COL25A1: variants seen among roughly 807,000 people sequenced by gnomAD.
The protein encoded by COL25A1 is collagen type XXV alpha 1 chain.
Under a neutral mutation model 128.4 loss-of-function variants are expected in COL25A1, and 103 were observed. The ratio of observed to expected loss-of-function variants is 0.80; its 90% CI spans 0.68 to 0.94. The LOEUF (loss-of-function observed/expected upper bound fraction) is 0.94. Ranked by LOEUF, COL25A1 falls within the 40% of genes least tolerant of loss-of-function variation. The pLI is 0.00. For missense variants in COL25A1, 745 were observed against 840.0 expected (o/e 0.89, Z 1.40); for synonymous variants, 279 against 277.2 (o/e 1.01, Z -0.06).
intron 3 of COL25A1, among the ~76,000 whole-genome samples, chr4:109,107,233 TC>T (rs1392403838): frequency 1.3e-5 from 2 of 152,086 alleles, no homozygotes; most frequent in African/African-American, 4.8e-5. Context: ...TTTTACCCTG[TC>T]TCCACAAAAT....
intron 6 of COL25A1, among the ~76,000 whole-genome samples, chr4:108,981,346 C>A (rs970879622): frequency 1.6e-4 from 25 of 152,170 alleles, no homozygotes; most frequent in African/African-American, 5.8e-4. Flanking sequence ...AGAGACATTT[C>A]TTCTTCAAAC....
intron 3 of COL25A1, among the ~76,000 whole-genome samples, chr4:109,110,127 A>C (rs1232706036): frequency 6.6e-6 from 1 of 152,080 alleles, no homozygotes; most frequent in Non-Finnish European, 1.5e-5. Context: ...CTAGTACAGG[A>C]GGGATGTTCA....
intron 3 of COL25A1, among the ~76,000 whole-genome samples, chr4:109,262,677 A>G (rs1781532840): frequency 2.0e-5 from 3 of 152,336 alleles, no homozygotes; most frequent in Admixed American, 2.0e-4. Context: ...TGCAAAATGC[A>G]TACTTATTTC....
At chr4:109,272,489 G>C (rs1387735527) in intron 3 of COL25A1, among the ~76,000 whole-genome samples, 1 of 152,110 alleles carries the variant, frequency 6.6e-6, no homozygotes, top group Non-Finnish European at 1.5e-5. Context: ...AATTATGAGA[G>C]TATTAGCTAA....
At chr4:109,231,845 G>GT (rs778529554) in intron 3 of COL25A1, among the ~76,000 whole-genome samples, 1 of 152,114 alleles carries the variant, frequency 6.6e-6, no homozygotes, top group Admixed American at 6.5e-5. Context: ...TGCTGAATTT[G>GT]TTTTTTTATG....
intron 3 of COL25A1, among the ~76,000 whole-genome samples, chr4:109,216,197 G>A (rs1279257386): frequency 6.6e-6 from 1 of 151,912 alleles, no homozygotes; most frequent in Non-Finnish European, 1.5e-5. Flanking sequence ...TGTTCCTACT[G>A]CCTAGGAAAA....
intron 3 of COL25A1, among the ~76,000 whole-genome samples, chr4:109,299,821 G>A (rs1034104525): frequency 1.3e-5 from 2 of 152,014 alleles, no homozygotes; most frequent in African/African-American, 4.8e-5. Context: ...CTTCTAAATT[G>A]TTAGGTCTAA....
At chr4:108,881,811 G>A (rs1024099371) in intron 19 of COL25A1, among the ~76,000 whole-genome samples, 3 of 152,060 alleles carry the variant, frequency 2.0e-5, no homozygotes, top group African/African-American at 7.2e-5. Flanking sequence ...TACATTATAA[G>A]GAAAGTGTAT....
Position 108,884,178 on chromosome 4 carries a change from C to G in COL25A1, c.1020G>C (p.Lys340Asn), listed in dbSNP as rs1740478607. ...LPGLPGLPGI[K>N]GEPGFIGPQG... Reference sequence around the variant, plus strand: ...CCGAGACTGTCCGTGCAGTATTTACCTTTATCCCCGGAAGTCCAGGAAGCC... The same window carrying G: ...CCGAGACTGTCCGTGCAGTATTTACGTTTATCCCCGGAAGTCCAGGAAGCC... The change falls in exon 19 of 38, where the codon AAG becomes AAC. Residue 340 changes from lysine (K) to asparagine (N), a missense_variant and splice_region_variant. By Grantham distance (94) the Lys-to-Asn change is moderately conservative (BLOSUM62 0). Transcript: ENST00000399132. 6.2e-7 allele frequency: 1 copy of G among 1,613,484 alleles called. No homozygotes were observed. Among genetic ancestry groups the G allele is most frequent in the Admixed American group, 1.7e-5 (1 of 59,964 alleles).
chr4:109,263,340 G>T (rs1781573230), intron 3 of COL25A1, among the ~76,000 whole-genome samples: 1 of 151,852 alleles, frequency 6.6e-6, no homozygotes, highest in Non-Finnish European at 1.5e-5. Flanking sequence ...AATGACAAAG[G>T]GTGGCATACT....
At chr4:109,122,507 G>T (rs1488378573) in intron 3 of COL25A1, among the ~76,000 whole-genome samples, 1 of 152,014 alleles carries the variant, frequency 6.6e-6, no homozygotes, top group East Asian at 1.9e-4. Flanking sequence ...CATAAATTTG[G>T]CAGCAAAAGT....
At chr4:108,999,471 T>C (rs1192109405) in intron 6 of COL25A1, among the ~76,000 whole-genome samples, 1 of 152,162 alleles carries the variant, frequency 6.6e-6, no homozygotes, top group Non-Finnish European at 1.5e-5. Context: ...AAACAACAGA[T>C]TCTGGAGAGG....
intron 5 of COL25A1, among the ~76,000 whole-genome samples, chr4:109,032,426 CAAAT>C (rs1486704061): frequency 6.6e-6 from 1 of 152,186 alleles, no homozygotes; most frequent in Non-Finnish European, 1.5e-5. Context: ...CTTATGGTCA[CAAAT>C]AACACAAAGA....
chr4:109,158,996 C>T (rs896195823), intron 3 of COL25A1, among the ~76,000 whole-genome samples: 14 of 151,886 alleles, frequency 9.2e-5, no homozygotes, highest in African/African-American at 2.4e-4. Context: ...TATGTATTTA[C>T]GTAGTATGTA....
At chr4:108,998,729 A>G (rs1365343633) in intron 6 of COL25A1, among the ~76,000 whole-genome samples, 10 of 152,248 alleles carry the variant, frequency 6.6e-5, no homozygotes, top group Admixed American at 3.9e-4. Context: ...ACAAGGCTAC[A>G]GTAACCAAAA....
Position 109,016,277 on chromosome 4 carries a change from G to A in COL25A1, c.421-5902C>T, listed in dbSNP as rs116746413. Among the ~76,000 whole-genome samples the A allele has an allele frequency of 1.9e-3, 293 of 152,332 alleles. 1 individual carries two copies. The highest frequency in any genetic ancestry group is 6.8e-3 in the Middle Eastern group (2 of 294). ...GGTAGTGCTGATACAGCAGCCCCCC[G>A]CTGCCTCAGCCCCCTCCAGACTTTA... On this transcript the variant is annotated intron_variant, in intron 5 of 37. Coordinates refer to ENST00000399132, the MANE Select transcript of COL25A1 (RefSeq NM_198721.4).
At chr4:109,244,970 T>A (rs1299649969) in intron 3 of COL25A1, among the ~76,000 whole-genome samples, 2 of 152,174 alleles carry the variant, frequency 1.3e-5, no homozygotes, top group African/African-American at 4.8e-5. Context: ...CTTAATACAC[T>A]GGATAACTTT....
intron 3 of COL25A1, among the ~76,000 whole-genome samples, chr4:109,188,584 C>G (rs1008418766): frequency 3.1e-4 from 47 of 152,198 alleles, no homozygotes; most frequent in African/African-American, 1.1e-3. Flanking sequence ...GAAACTGTAG[C>G]TTTGAGAATG....
intron 3 of COL25A1, among the ~76,000 whole-genome samples, chr4:109,171,944 G>C (rs984666472): frequency 5.9e-5 from 9 of 152,136 alleles, no homozygotes; most frequent in Non-Finnish European, 1.2e-4. Context: ...CTGACACAGA[G>C]ACAGAGATAT....
Sources: allele counts gnomAD v4.1 joint callset (sites outside exome capture counted in the v4.1 genomes callset), GRCh38; gene constraint gnomAD v4.1.1; transcripts MANE v1.5; gene names NCBI Gene and HGNC (gene_info 2026-07-23, HGNC 2026-07-21).